The following NUP210L variants were observed in gnomAD, a reference collection of about 807,000 sequenced individuals.
The protein encoded by NUP210L is nucleoporin 210 like.
NUP210L carries 74 observed loss-of-function variants against 208.5 expected under a neutral mutation model. That is an observed-to-expected ratio of 0.35 (90% CI 0.29 to 0.43). The LOEUF (loss-of-function observed/expected upper bound fraction) is 0.43. Among genes scored for constraint, NUP210L ranks in the 20% least tolerant of loss-of-function variants. NUP210L has a pLI of 1.00. For missense variants in NUP210L, 1,843 were observed against 2,289.4 expected (o/e 0.81, Z 3.98); for synonymous variants, 780 against 816.9 (o/e 0.95, Z 0.77).
At chr1:154,055,144 TTTC>T (rs1276678887) in intron 23 of NUP210L, among the ~76,000 whole-genome samples, 8,013 of 118,648 alleles carry the variant, frequency 0.068, 863 homozygotes, top group African/African-American at 0.21. Context: ...TCTTTCTTTC[TTTC>T]TTTCTTTCTT....
At chr1:154,008,194 A>G (rs1307577617) in intron 35 of NUP210L, among the ~76,000 whole-genome samples, 1 of 152,144 alleles carries the variant, frequency 6.6e-6, no homozygotes, top group African/African-American at 2.4e-5. Context: ...TCATCAATAA[A>G]TTGAAGTCAC....
At chr1:154,129,170 TAA>T (rs1416356257) in intron 8 of NUP210L, 105 bp downstream of exon 8, 1 of 643,224 alleles carries the variant, frequency 1.6e-6, no homozygotes, top group East Asian at 2.7e-5. Flanking sequence ...AATTTGAAAT[TAA>T]GTCCCAGAAT....
At chr1:154,034,846 T>C (rs1380123818) in intron 27 of NUP210L, among the ~76,000 whole-genome samples, 5 of 82,050 alleles carry the variant, frequency 6.1e-5, no homozygotes, top group Admixed American at 1.6e-4. Flanking sequence ...TCTCTCTCTT[T>C]TTTTTTTTTT....
At position 153,997,698 on chromosome 1, in the gene NUP210L, T is replaced by TG. The variant is rs1470760252; in HGVS notation, c.5387-2519_5387-2518insC. 1.6e-4 allele frequency among the ~76,000 whole-genome samples: 24 copies of TG among 147,560 alleles called. 1 individual carries two copies. The highest frequency in any genetic ancestry group is 5.7e-4 in the African/African-American group (23 of 40,660). ...GGCTGGTGATTACTGTATTTGTTTT[T>TG]TTTTTTTTTTTTGAGACAGAGTCTT... On this transcript the variant is annotated intron_variant, in intron 37 of 39. Transcript: ENST00000368559.
chr1:154,006,024 A>G (rs996738934), intron 35 of NUP210L, among the ~76,000 whole-genome samples: 9 of 151,642 alleles, frequency 5.9e-5, no homozygotes, highest in African/African-American at 2.2e-4. Context: ...GCCCCGCCCT[A>G]ATTTTGTATT....
chr1:154,055,804 G>A (rs1571220427), intron 23 of NUP210L, among the ~76,000 whole-genome samples: 1 of 152,122 alleles, frequency 6.6e-6, no homozygotes, highest in Non-Finnish European at 1.5e-5. Context: ...ATTTAAGTAG[G>A]AATACTAAAA....
intron 16 of NUP210L, among the ~76,000 whole-genome samples, chr1:154,081,027 GGAA>G (rs1266610664): frequency 2.7e-5 from 4 of 149,532 alleles, no homozygotes; most frequent in Non-Finnish European, 5.9e-5. Context: ...AGGAAGAAAT[GGAA>G]GAAGAGGAAC....
At chr1:154,036,418 G>T (rs530738361) in intron 27 of NUP210L, among the ~76,000 whole-genome samples, 13 of 137,794 alleles carry the variant, frequency 9.4e-5, no homozygotes, top group South Asian at 2.4e-4. Flanking sequence ...AGGCTGGAGT[G>T]CAATGGTGTG....
intron 33 of NUP210L, among the ~76,000 whole-genome samples, chr1:154,018,685 T>C (rs1651397277): frequency 6.6e-6 from 1 of 152,188 alleles, no homozygotes; most frequent in African/African-American, 2.4e-5. Flanking sequence ...GTCTTTCAAC[T>C]TCTACCCTGG....
exon 40 of NUP210L, chr1:153,992,695 A>C: frequency 1.5e-6 from 1 of 652,174 alleles, no homozygotes; most frequent in Non-Finnish European, 2.7e-6. Flanking sequence ...ACCAGTTTTA[A>C]GAAACAGCTT....
chr1:154,071,975 C>T lies in NUP210L; in HGVS notation c.2362-1510G>A, dbSNP rs566796078. 1.2e-3 allele frequency among the ~76,000 whole-genome samples: 179 copies of T among 148,462 alleles called. 1 individual carries two copies. Among genetic ancestry groups the T allele is most frequent in the African/African-American group, 4.1e-3 (165 of 40,384 alleles). On this transcript the variant is annotated intron_variant, in intron 16 of 39. Coordinates refer to ENST00000368559, the Ensembl canonical transcript of NUP210L. The stretch of plus-strand genomic sequence containing the variant: ...TATATGGCTGAGTAGTATTCCATCG[C>T]GTGTGTGTGTGTGTGTGTGTGTGTG...
At chr1:154,065,892 C>CAAAA (rs58053478) in intron 17 of NUP210L, among the ~76,000 whole-genome samples, 720 of 60,338 alleles carry the variant, frequency 0.012, no homozygotes, top group Middle Eastern at 0.02. Context: ...GACTCTGTCT[C>CAAAA]AAAAAAAAAA....
rs911982082 is a variant in NUP210L at position 154,110,436 on chromosome 1, T to C, written c.1621-6226A>G. 4.0e-5 allele frequency among the ~76,000 whole-genome samples: 6 copies of C among 150,850 alleles called. No individual in the cohort carries two copies. In the East Asian group the frequency reaches 1.2e-3, roughly 30 times the overall value. On this transcript the variant is annotated intron_variant, in intron 12 of 39. Transcript: ENST00000368559. ...ACAGGGGCACGCCACCATGCCTGGCTAATTTTTGTATTTTTAGTAGAGACA... is the reference window on the plus strand; with the variant it reads ...ACAGGGGCACGCCACCATGCCTGGCCAATTTTTGTATTTTTAGTAGAGACA...
chr1:154,119,493 C>T (rs1223969974), intron 10 of NUP210L, among the ~76,000 whole-genome samples: 2 of 152,094 alleles, frequency 1.3e-5, no homozygotes, highest in African/African-American at 2.4e-5. Flanking sequence ...GAGGCTGAGA[C>T]AGGAGAATTG....
Position 154,026,209 on chromosome 1 carries a change from C to CT in NUP210L, c.3948-494dup, listed in dbSNP as rs544918081. Reference sequence around the variant, plus strand: ...GAGATGACACCATTTGCACTGCAGCCTGGGGGACAAGAGCAAAACTCCGTT... The same window carrying CT: ...GAGATGACACCATTTGCACTGCAGCCTTGGGGGACAAGAGCAAAACTCCGTT... On this transcript the variant is annotated intron_variant, in intron 29 of 39. Coordinates refer to ENST00000368559, the Ensembl canonical transcript of NUP210L. Among the ~76,000 whole-genome samples the CT allele has an allele frequency of 1.8e-4, 27 of 152,128 alleles. No individual in the cohort carries two copies. The East Asian group carries it at 5.0e-3, about 28-fold the overall frequency.
In NUP210L at chr1:154,005,460, C is replaced by T. The variant is rs2147895415; in HGVS notation, c.4931-3475G>A. On this transcript the variant is annotated intron_variant, in intron 35 of 39. Coordinates refer to ENST00000368559, the Ensembl canonical transcript of NUP210L. ...GCCAGGCTGGTCTTGAACTCCTGAC[C>T]TCAGGTGATCCACCGCCTTGGCCTC... Among the ~76,000 whole-genome samples the T allele has an allele frequency of 2.0e-5, 3 of 151,982 alleles. No individual in the cohort carries two copies. In the Middle Eastern group the frequency reaches 0.01, roughly 520 times the overall value.
intron 16 of NUP210L, among the ~76,000 whole-genome samples, chr1:154,084,141 G>A (rs1375487861): frequency 6.8e-6 from 1 of 146,364 alleles, no homozygotes; most frequent in Non-Finnish European, 1.5e-5. Context: ...CCTGGCTCAA[G>A]CAATCCTCCC....
At chr1:154,062,567 CTTTTTTTTTTTTT>C (rs34499821) in intron 17 of NUP210L, among the ~76,000 whole-genome samples, 1 of 74,974 alleles carries the variant, frequency 1.3e-5, no homozygotes, top group Non-Finnish European at 2.3e-5. Context: ...TTTCTTTTTC[CTTTTTTTTTTTTT>C]TTTTTTTTTT....
intron 7 of NUP210L, among the ~76,000 whole-genome samples, chr1:154,130,487 G>A (rs941915472): frequency 2.0e-5 from 3 of 152,022 alleles, no homozygotes; most frequent in Non-Finnish European, 2.9e-5. Context: ...TGGCCAGGCT[G>A]GTCTCGAACT....
Sources: gnomAD v4.1 joint callset for allele counts (sites outside exome capture counted in the v4.1 genomes callset) on GRCh38, gnomAD v4.1.1 for gene constraint, MANE v1.5 for transcripts, NCBI Gene and HGNC (gene_info 2026-07-23, HGNC 2026-07-21) for gene names.